Variants in SLC12A3 observed in about 807,000 individuals in gnomAD.
SLC12A3 encodes solute carrier family 12 member 3, also known as Na-Cl cotransporter.
Under a neutral mutation model 121.0 loss-of-function variants are expected in SLC12A3, and 104 were observed. The ratio of observed to expected loss-of-function variants is 0.86; its 90% CI spans 0.73 to 1.01. SLC12A3 has a LOEUF of 1.01. SLC12A3 is among the 50% of genes least tolerant of loss of function. The probability of loss-of-function intolerance (pLI) is 0.00; values close to 1 mark genes in which losing one functional copy is unlikely to be tolerated. For missense variants in SLC12A3, 1,328 were observed against 1,356.3 expected, an observed-to-expected ratio of 0.98 and a Z score of 0.33; for synonymous variants, 536 against 533.4, an observed-to-expected ratio of 1.00 and a Z score of -0.07.
intron 6 of SLC12A3, among the ~76,000 whole-genome samples, chr16:56,872,137 C>G (rs1372919760): frequency 9.2e-5 from 14 of 152,218 alleles, no homozygotes; most frequent in Admixed American, 2.6e-4. Context: ...TTAAATTCAT[C>G]CTCCTTATTT....
intron 3 of SLC12A3, among the ~76,000 whole-genome samples, 156 bp from the exon 4 acceptor site, chr16:56,869,573 G>A (rs746321496): frequency 5.9e-5 from 9 of 152,092 alleles, no homozygotes; most frequent in Non-Finnish European, 1.2e-4. Flanking sequence ...TGATCTGCCC[G>A]CCTCGGCCTC....
chr16:56,896,050 G>A (rs974006889), intron 22 of SLC12A3, among the ~76,000 whole-genome samples: 5 of 152,182 alleles, frequency 3.3e-5, no homozygotes, highest in South Asian at 2.1e-4. Flanking sequence ...CCATGCACCC[G>A]GTTCCTAACA....
At chr16:56,883,548 G>A (rs879735635) in intron 13 of SLC12A3, among the ~76,000 whole-genome samples, 2 of 152,114 alleles carry the variant, frequency 1.3e-5, no homozygotes, top group Non-Finnish European at 2.9e-5. Flanking sequence ...CCAAAGTGCT[G>A]GGATTACAGT....
intron 25 of SLC12A3, among the ~76,000 whole-genome samples, chr16:56,905,690 G>T (rs2055599364): frequency 6.6e-6 from 1 of 152,152 alleles, no homozygotes; most frequent in Non-Finnish European, 1.5e-5. Flanking sequence ...CTATTAAGAA[G>T]GTCTGTGGTC....
chr16:56,882,551 C>G, intron 13 of SLC12A3, 54 bp downstream of exon 13: 2 of 1,389,802 alleles, frequency 1.4e-6, no homozygotes, highest in Non-Finnish European at 2.0e-6. Context: ...GCAGGAGGAA[C>G]TGGGGCATGG....
intron 25 of SLC12A3, among the ~76,000 whole-genome samples, chr16:56,909,802 A>G (rs1334198138): frequency 4.6e-5 from 7 of 152,108 alleles, no homozygotes; most frequent in African/African-American, 1.7e-4. Flanking sequence ...AGGGAAAAAA[A>G]AAAAATCTCC....
chr16:56,873,932 G>C (rs373154895), intron 8 of SLC12A3, among the ~76,000 whole-genome samples: 1 of 151,604 alleles, frequency 6.6e-6, no homozygotes, highest in Admixed American at 6.6e-5. Context: ...GGCTGGTCTC[G>C]ATCTCCTGAC....
intron 13 of SLC12A3, among the ~76,000 whole-genome samples, chr16:56,883,821 A>G (rs2055273633): frequency 6.6e-6 from 1 of 152,170 alleles, no homozygotes; most frequent in Non-Finnish European, 1.5e-5. Flanking sequence ...ATTTGGCCAG[A>G]GCTGGATGCT....
chr16:56,887,130 G>T (rs1256467459), intron 17 of SLC12A3, 37 bp downstream of exon 17: 1 of 1,613,382 alleles, frequency 6.2e-7, no homozygotes, highest in Non-Finnish European at 8.5e-7. Flanking sequence ...AGGACTTACG[G>T]CTTGGTGGCA....
In SLC12A3 at chr16:56,880,324, C is replaced by T. The variant is rs1416999720; in HGVS notation, c.1567+71C>T. ...GGCCGGCCATGAGGGTCTTGGGGGC[C>T]GGGCTCTTCTCCTGTCTCCTCATCT... is the stretch of plus-strand genomic sequence containing the variant. On this transcript the variant is annotated intron_variant, in intron 12 of 25. Transcript: ENST00000563236. 26 of 1,521,700 alleles carry T rather than the reference C, an allele frequency of 1.7e-5. No homozygotes were observed. The Middle Eastern group carries it at 6.0e-4, about 35-fold the overall frequency. 94.3% of individuals were successfully genotyped at this position (1,521,700 alleles called of 1,614,324 possible). A position where few individuals can be genotyped will look rare whatever the true frequency, so the allele number is the denominator to read the frequency against.
chr16:56,895,192 ATT>A (rs34438029), intron 22 of SLC12A3, among the ~76,000 whole-genome samples: 234 of 126,656 alleles, frequency 1.8e-3, no homozygotes, highest in African/African-American at 5.9e-3. Flanking sequence ...ATATATTTTA[ATT>A]TTTTTTTTTT....
At chr16:56,866,240 C>T (rs541805518) in intron 1 of SLC12A3, among the ~76,000 whole-genome samples, 1 of 152,164 alleles carries the variant, frequency 6.6e-6, no homozygotes, top group South Asian at 2.1e-4. Flanking sequence ...CCCACCTTGG[C>T]CTCCCAACGT....
chr16:56,902,376 C>G lies in SLC12A3; in HGVS notation c.2724C>G (p.Thr908=). 6.2e-7 allele frequency: 1 copy of G among 1,614,140 alleles called. No individual in the cohort carries two copies. The highest frequency in any genetic ancestry group is 8.5e-7 in the Non-Finnish European group (1 of 1,180,010). ...CAACCCACTTTCTCGTCCCCAGCAC[C>G]AAGAGGTTTGAGGACATGATTGCAC... ...DINQNPRAEH[T]KRFEDMIAPF... The change falls in exon 24 of 26, where the codon ACC becomes ACG. Residue 908 remains threonine, a synonymous_variant. Transcript: ENST00000563236.
At chr16:56,912,899 T>C (rs2055704752) in intron 25 of SLC12A3, among the ~76,000 whole-genome samples, 1 of 151,540 alleles carries the variant, frequency 6.6e-6, no homozygotes. Context: ...TCCTGGTGGG[T>C]GGGGAGAACG....
intron 25 of SLC12A3, among the ~76,000 whole-genome samples, chr16:56,907,929 A>G (rs1272915987): frequency 6.6e-6 from 1 of 152,180 alleles, no homozygotes; most frequent in African/African-American, 2.4e-5. Flanking sequence ...ATGTGCCAGT[A>G]GACAGTAGAG....
chr16:56,885,319 A>G lies in SLC12A3; in HGVS notation c.1880A>G (p.Tyr627Cys). The G allele has an allele frequency of 6.4e-7, 1 of 1,555,834 alleles. No homozygotes were observed. The highest frequency in any genetic ancestry group is 8.7e-7 in the Non-Finnish European group (1 of 1,149,374). The change falls in exon 15 of 26, where the codon TAC (tyrosine) becomes TGC (cysteine). Residue 627 changes from tyrosine (Y) to cysteine (C), a missense_variant. Transcript: ENST00000563236. ...QAGSYNLALSYSVGLNEVEDH... is the reference protein window; with the variant it reads ...QAGSYNLALSCSVGLNEVEDH... ...GGCTCCTACAACCTGGCCCTCAGCT[A>G]CTCGGTGGGCCTCAATGAGGTGGAA... is the stretch of plus-strand genomic sequence containing the variant.
At chr16:56,884,730 A>G (rs561332964) in intron 14 of SLC12A3, among the ~76,000 whole-genome samples, 111 of 152,268 alleles carry the variant, frequency 7.3e-4, no homozygotes, top group African/African-American at 2.5e-3. Flanking sequence ...AGGTTTGGCA[A>G]GGCAGGAGGA....
At position 56,899,616 on chromosome 16, in the gene SLC12A3, A is replaced by C; in HGVS notation, c.2720A>C (p.His907Pro). The part of the protein sequence containing the change: ...PDINQNPRAE[H>P]TKRFEDMIAP... ...ATCAACCAGAACCCTCGGGCTGAGCAGTAAGTTCTGTTTTGGGGCTTCCAG... is the reference window on the plus strand; with the variant it reads ...ATCAACCAGAACCCTCGGGCTGAGCCGTAAGTTCTGTTTTGGGGCTTCCAG... The change falls in exon 23 of 26, where the codon CAC (histidine) becomes CCC (proline). Residue 907 changes from histidine to proline, a missense_variant and splice_region_variant. Physicochemically the swap from His to Pro is moderately conservative, Grantham distance 77. Transcript: ENST00000563236. The C allele has an allele frequency of 6.2e-7, 1 of 1,612,576 alleles. No individual in the cohort carries two copies. The highest frequency in any genetic ancestry group is 1.1e-5 in the South Asian group (1 of 91,058).
rs1445168707 is a variant in SLC12A3 at position 56,899,548 on chromosome 16, C to T, written c.2652C>T (p.Ser884=). The T allele has an allele frequency of 1.2e-6, 2 of 1,613,810 alleles. No homozygotes were observed. Among genetic ancestry groups the T allele is most frequent in the East Asian group, 2.2e-5 (1 of 44,884 alleles). ...CCTCCAGGATCATTTCTCTGCTGAG[C>T]AAGTTCCGACTGGGATTCCATGAAG... ...QERKAIISLL[S]KFRLGFHEVH... is the part of the protein sequence containing the mutation. The change falls in exon 23 of 26, where the codon AGC becomes AGT. Residue 884 remains serine, a synonymous_variant. Transcript: ENST00000563236.
Sources: allele counts gnomAD v4.1 joint callset (sites outside exome capture counted in the v4.1 genomes callset), GRCh38; gene constraint gnomAD v4.1.1; transcripts MANE v1.5; gene names NCBI Gene and HGNC (gene_info 2026-07-23, HGNC 2026-07-21).